The following CDH13 variants were observed in gnomAD, a reference collection of about 807,000 sequenced individuals.
CDH13 encodes the protein cadherin-13.
In CDH13, 24 loss-of-function variants were observed where a neutral mutation model predicts 63.8. That is an observed-to-expected ratio of 0.38 (90% CI 0.27 to 0.53). The LOEUF is 0.53. Ranked by LOEUF, CDH13 falls within the 20% of genes least tolerant of loss-of-function variation. CDH13 has a pLI of 0.85. For synonymous variants in CDH13, 503 were observed against 355.3 expected, an observed-to-expected ratio of 1.42 and a Z score of -4.67; for missense variants, 1,049 against 903.1, an observed-to-expected ratio of 1.16 and a Z score of -2.07.
Position 83,079,099 on chromosome 16 carries a change from T to C in CDH13, c.367-46286T>C, listed in dbSNP as rs144156503. On this transcript the variant is annotated intron_variant, in intron 3 of 13. Transcript: ENST00000567109. ...TGTGAGCCATTGTGCCCGGCCCAGG[T>C]TTTTCATGCATTGAAGTTCACACTC... is the stretch of plus-strand genomic sequence containing the variant. Among the ~76,000 whole-genome samples, 715 of 152,024 alleles carry C rather than the reference T, an allele frequency of 4.7e-3. 5 individuals are homozygous for C. Among genetic ancestry groups the C allele is most frequent in the African/African-American group, 0.017 (685 of 41,464 alleles).
intron 1 of CDH13, among the ~76,000 whole-genome samples, chr16:82,664,366 T>C (rs946931658): frequency 6.6e-6 from 1 of 152,186 alleles, no homozygotes; most frequent in African/African-American, 2.4e-5. Context: ...ATTAGTAAAT[T>C]CATGGCAGTG....
chr16:83,169,950 G>C (rs1221354994), intron 4 of CDH13, among the ~76,000 whole-genome samples: 2 of 151,878 alleles, frequency 1.3e-5, no homozygotes, highest in Non-Finnish European at 2.9e-5. Flanking sequence ...TCTTACTTTC[G>C]ATGTATGGTT....
At chr16:83,610,623 T>C (rs981424313) in intron 8 of CDH13, among the ~76,000 whole-genome samples, 1 of 152,244 alleles carries the variant, frequency 6.6e-6, no homozygotes, top group Non-Finnish European at 1.5e-5. Context: ...GGACTAACTT[T>C]TGTGAGACTT....
intron 7 of CDH13, among the ~76,000 whole-genome samples, chr16:83,541,186 A>G (rs2075289979): frequency 6.6e-6 from 1 of 152,152 alleles, no homozygotes; most frequent in Admixed American, 6.5e-5. Context: ...AGAAATCTGG[A>G]TGCATCTAAC....
chr16:82,951,849 C>G (rs1331689776), intron 2 of CDH13, among the ~76,000 whole-genome samples: 1 of 152,142 alleles, frequency 6.6e-6, no homozygotes, highest in Non-Finnish European at 1.5e-5. Flanking sequence ...GTATATCTTC[C>G]TAAGTGTTCC....
intron 1 of CDH13, chr16:82,844,479 T>C (rs2039168408): frequency 6.7e-6 from 1 of 148,590 alleles, no homozygotes; most frequent in Non-Finnish European, 1.5e-5. Flanking sequence ...CGGGCGCCTG[T>C]AGTCCCAGCT....
At chr16:83,372,150 C>A (rs2091378842) in intron 6 of CDH13, among the ~76,000 whole-genome samples, 2 of 152,164 alleles carry the variant, frequency 1.3e-5, no homozygotes, top group Non-Finnish European at 1.5e-5. Context: ...CACTCATTCC[C>A]AGTTTGCAAC....
Position 82,683,097 on chromosome 16 carries a change from C to G in CDH13, c.45+55960C>G, listed in dbSNP as rs927624519. 2.0e-5 allele frequency among the ~76,000 whole-genome samples: 3 copies of G among 152,258 alleles called. No homozygotes were observed. In the East Asian group the frequency reaches 5.8e-4, roughly 29 times the overall value. On this transcript the variant is annotated intron_variant, in intron 1 of 13. Coordinates refer to ENST00000567109, the MANE Select transcript of CDH13 (RefSeq NM_001257.5). Reference sequence around the variant, plus strand: ...AGCTTAAAACTAGGGGTTGTAATAGCAGAAACAGTCATCAGTATCCAGTGA... The same window carrying G: ...AGCTTAAAACTAGGGGTTGTAATAGGAGAAACAGTCATCAGTATCCAGTGA...
intron 6 of CDH13, among the ~76,000 whole-genome samples, chr16:83,458,176 G>A (rs1015423942): frequency 6.6e-6 from 1 of 152,156 alleles, no homozygotes; most frequent in Admixed American, 6.5e-5. Context: ...TGCTCCTGCT[G>A]GATCCAGGAT....
At chr16:82,713,161 C>T (rs1055593067) in intron 1 of CDH13, among the ~76,000 whole-genome samples, 2 of 152,028 alleles carry the variant, frequency 1.3e-5, no homozygotes, top group African/African-American at 4.8e-5. Context: ...AATTTGGGAT[C>T]CCGGTACCAC....
intron 8 of CDH13, among the ~76,000 whole-genome samples, chr16:83,604,247 G>A (rs1056143423): frequency 2.0e-4 from 30 of 152,166 alleles, no homozygotes; most frequent in Admixed American, 1.0e-3. Context: ...CAAAGTCCAC[G>A]GGAGCTTGAT....
chr16:83,347,518 C>T (rs1346709674), intron 6 of CDH13, among the ~76,000 whole-genome samples: 2 of 152,198 alleles, frequency 1.3e-5, no homozygotes, highest in Non-Finnish European at 1.5e-5. Flanking sequence ...ACACAGCCAT[C>T]AGGTATCATA....
At chr16:83,255,715 T>C (rs910234627) in intron 5 of CDH13, among the ~76,000 whole-genome samples, 5 of 152,180 alleles carry the variant, frequency 3.3e-5, no homozygotes, top group Non-Finnish European at 7.3e-5. Flanking sequence ...CTTTTCAATA[T>C]TGGTAATAAA....
chr16:83,249,232 C>G (rs1009174123), intron 5 of CDH13, among the ~76,000 whole-genome samples: 17 of 152,242 alleles, frequency 1.1e-4, no homozygotes, highest in African/African-American at 3.6e-4. Flanking sequence ...ATCGTACCCT[C>G]TAACCCAGTG....
intron 1 of CDH13, among the ~76,000 whole-genome samples, chr16:82,802,159 G>C (rs1175770846): frequency 6.6e-6 from 1 of 152,120 alleles, no homozygotes; most frequent in African/African-American, 2.4e-5. Context: ...ATATTCAGGT[G>C]CTTTCCACCT....
intron 1 of CDH13, among the ~76,000 whole-genome samples, chr16:82,741,202 A>T (rs947542278): frequency 1.3e-5 from 2 of 152,098 alleles, no homozygotes; most frequent in Non-Finnish European, 2.9e-5. Flanking sequence ...TATAGCTCAA[A>T]CCCTCGGCTA....
chr16:83,097,930 T>C (rs1370008637), intron 3 of CDH13, among the ~76,000 whole-genome samples: 1 of 152,176 alleles, frequency 6.6e-6, no homozygotes. Context: ...GTACCTACTC[T>C]GTACTAGCTT....
At chr16:83,354,889 T>C (rs1029831119) in intron 6 of CDH13, among the ~76,000 whole-genome samples, 1 of 152,232 alleles carries the variant, frequency 6.6e-6, no homozygotes, top group Non-Finnish European at 1.5e-5. Context: ...GCCCCTTCAT[T>C]CATGTATTGA....
chr16:83,104,222 G>A (rs752376554), intron 3 of CDH13, among the ~76,000 whole-genome samples: 1 of 152,172 alleles, frequency 6.6e-6, no homozygotes, highest in Admixed American at 6.5e-5. Flanking sequence ...TATCAAATGT[G>A]GAACTTTTCC....
Sources: gnomAD v4.1 joint callset for allele counts (sites outside exome capture counted in the v4.1 genomes callset) on GRCh38, gnomAD v4.1.1 for gene constraint, MANE v1.5 for transcripts, NCBI Gene and HGNC (gene_info 2026-07-23, HGNC 2026-07-21) for gene names.